PRLR: variants seen among roughly 807,000 people sequenced by gnomAD.
The protein encoded by PRLR is hPRL receptor.
PRLR carries 13 observed loss-of-function variants against 40.2 expected under a neutral mutation model. The ratio of observed to expected loss-of-function variants is 0.32; its 90% CI spans 0.21 to 0.51. PRLR has a LOEUF of 0.51. Ranked by LOEUF, PRLR falls within the 20% of genes least tolerant of loss-of-function variation. The pLI is 0.97. For missense variants in PRLR, 656 were observed against 747.3 expected (o/e 0.88, Z 1.42); for synonymous variants, 269 against 278.7 (o/e 0.97, Z 0.35).
At chr5:35,149,656 A>C (rs144513065) in intron 1 of PRLR, among the ~76,000 whole-genome samples, 1 of 152,312 alleles carries the variant, frequency 6.6e-6, no homozygotes, top group African/African-American at 2.4e-5. Flanking sequence ...CATCTTAAAG[A>C]TACTACAATA....
chr5:35,110,510 C>T (rs901301462), intron 2 of PRLR, among the ~76,000 whole-genome samples: 1 of 152,038 alleles, frequency 6.6e-6, no homozygotes, highest in Admixed American at 6.6e-5. Context: ...TCATATCTTG[C>T]CCCTTCATCT....
At chr5:35,209,678 T>C (rs7716462) in intron 1 of PRLR, among the ~76,000 whole-genome samples, 90,820 of 152,064 alleles carry the variant, frequency 0.6, 27,882 homozygotes, top group Non-Finnish European at 0.67. Context: ...TTAAAAGTCA[T>C]TGGGGAGTGT....
At chr5:35,092,181 G>A (rs1360100608) in intron 2 of PRLR, among the ~76,000 whole-genome samples, 3 of 151,998 alleles carry the variant, frequency 2.0e-5, no homozygotes, top group South Asian at 2.1e-4. Flanking sequence ...AGTATTCTAT[G>A]AATGAAAAAA....
chr5:35,137,637 T>G (rs1036845193), intron 1 of PRLR, among the ~76,000 whole-genome samples: 1 of 152,222 alleles, frequency 6.6e-6, no homozygotes, highest in Non-Finnish European at 1.5e-5. Flanking sequence ...GAAAGGTTAT[T>G]CTCTGATGTC....
intron 2 of PRLR, among the ~76,000 whole-genome samples, chr5:35,108,194 C>G (rs886740610): frequency 6.6e-6 from 1 of 152,122 alleles, no homozygotes; most frequent in Non-Finnish European, 1.5e-5. Flanking sequence ...TAAAAACTCT[C>G]AATAAACTAG....
intron 3 of PRLR, 112 bp downstream of exon 3, chr5:35,089,439 A>C (rs1384037672): frequency 2.6e-6 from 2 of 769,072 alleles, no homozygotes; most frequent in African/African-American, 3.5e-5. Context: ...AGCAGCACAT[A>C]ACACAGCATT....
At chr5:35,143,593 C>G (rs1380740465) in intron 1 of PRLR, among the ~76,000 whole-genome samples, 3 of 152,092 alleles carry the variant, frequency 2.0e-5, no homozygotes, top group Non-Finnish European at 4.4e-5. Flanking sequence ...TTTCATTGTC[C>G]TCTCACCTAA....
chr5:35,129,236 G>A (rs1773573398), intron 1 of PRLR, among the ~76,000 whole-genome samples: 1 of 152,188 alleles, frequency 6.6e-6, no homozygotes, highest in Non-Finnish European at 1.5e-5. Flanking sequence ...AAGAAAAATT[G>A]TGATTGGCAT....
At chr5:35,150,070 G>A (rs1465821966) in intron 1 of PRLR, among the ~76,000 whole-genome samples, 1 of 152,158 alleles carries the variant, frequency 6.6e-6, no homozygotes, top group African/African-American at 2.4e-5. Context: ...TTTTAGTAGA[G>A]ACAGGGTTTC....
intron 1 of PRLR, among the ~76,000 whole-genome samples, chr5:35,220,192 A>G (rs1211157834): frequency 6.6e-6 from 1 of 152,170 alleles, no homozygotes; most frequent in Non-Finnish European, 1.5e-5. Context: ...TTAGGATGTT[A>G]GGCTCTCAAA....
At chr5:35,194,188 C>T (rs72734561) in intron 1 of PRLR, among the ~76,000 whole-genome samples, 15,053 of 152,222 alleles carry the variant, frequency 0.099, 964 homozygotes, top group Non-Finnish European at 0.13. Flanking sequence ...TTAGAAGAGA[C>T]TTTGAAGGTT....
chr5:35,104,973 A>G (rs2111580005), intron 2 of PRLR, among the ~76,000 whole-genome samples: 1 of 152,312 alleles, frequency 6.6e-6, no homozygotes, highest in South Asian at 2.1e-4. Context: ...ACTTCCCAGT[A>G]GGGGCCGACT....
rs146442340 is a variant in PRLR, at chr5:35,065,928, C to A, written c.1030G>T (p.Asp344Tyr). The A allele has an allele frequency of 6.1e-5, 99 of 1,614,104 alleles. No homozygotes were observed. The African/African-American group carries it at 1.2e-3, about 20-fold the overall frequency. ...CCCCGGCCTGAGTCAGTGTCAGGAT[C>A]CAGGTATGTGGGTTTCATACCTTGA... The part of the protein sequence containing the change: ...PSQGMKPTYL[D>Y]PDTDSGRGSC... Residue 344 changes from aspartate to tyrosine, a missense_variant, in exon 10 of 10, where the codon GAT (aspartate) becomes TAT (tyrosine). Asp to Tyr is a radical substitution (Grantham distance 160). Transcript: ENST00000618457.
intron 1 of PRLR, among the ~76,000 whole-genome samples, chr5:35,212,955 C>T (rs1271819539): frequency 1.3e-5 from 2 of 152,184 alleles, no homozygotes; most frequent in Non-Finnish European, 2.9e-5. Flanking sequence ...TGAATGCTTG[C>T]CATTGGTTGG....
intron 1 of PRLR, among the ~76,000 whole-genome samples, chr5:35,174,304 G>T (rs1031119768): frequency 6.6e-6 from 1 of 152,128 alleles, no homozygotes; most frequent in African/African-American, 2.4e-5. Context: ...TGCCCAGGCT[G>T]GTCTCGAACT....
At chr5:35,199,844 CTA>C (rs565060483) in intron 1 of PRLR, among the ~76,000 whole-genome samples, 190 of 152,258 alleles carry the variant, frequency 1.2e-3, no homozygotes, top group Non-Finnish European at 2.5e-3. Flanking sequence ...AAAAATGTAT[CTA>C]TTATCACAAC....
intron 3 of PRLR, among the ~76,000 whole-genome samples, chr5:35,087,933 G>A (rs1291300131): frequency 6.6e-6 from 1 of 152,188 alleles, no homozygotes; most frequent in Non-Finnish European, 1.5e-5. Context: ...GCAGAGAGGA[G>A]CGCTTTCAGA....
chr5:35,055,182 A>G (rs1174397894), downstream of PRLR, among the ~76,000 whole-genome samples: 2 of 152,236 alleles, frequency 1.3e-5, no homozygotes, highest in Admixed American at 1.3e-4. Context: ...AAACACGAAC[A>G]AAAGAAAATG....
chr5:35,072,721 G>A lies in PRLR; in HGVS notation c.397C>T (p.Leu133=). ...YIVQPDPPLE[L]AVEVKQPEDR... ...TCTGGCTGTTTTACTTCCACAGCCA[G>A]CTCCAAAGGAGGGTCTGGCTGAACT... is the stretch of plus-strand genomic sequence containing the variant. Residue 133 remains leucine (L), a synonymous_variant, in exon 6 of 10, where the codon CTG becomes TTG. Transcript: ENST00000618457. 1 of 1,614,146 alleles carries A rather than the reference G, an allele frequency of 6.2e-7. No homozygotes were observed. Among genetic ancestry groups the A allele is most frequent in the Non-Finnish European group, 8.5e-7 (1 of 1,180,004 alleles).
Sources: gnomAD v4.1 joint callset for allele counts (sites outside exome capture counted in the v4.1 genomes callset) on GRCh38, gnomAD v4.1.1 for gene constraint, MANE v1.5 for transcripts, NCBI Gene and HGNC (gene_info 2026-07-23, HGNC 2026-07-21) for gene names.